RPS6KA2: variants seen among roughly 807,000 people sequenced by gnomAD.
RPS6KA2 encodes the protein ribosomal protein S6 kinase A2.
In RPS6KA2, 42 loss-of-function variants were observed where a neutral mutation model predicts 91.8. The ratio of observed to expected loss-of-function variants is 0.46; its 90% CI spans 0.36 to 0.59. RPS6KA2 has a LOEUF of 0.59. Ranked by LOEUF, RPS6KA2 falls within the 20% of genes least tolerant of loss-of-function variation. The pLI is 0.00. For synonymous variants in RPS6KA2, 414 were observed against 393.6 expected, an observed-to-expected ratio of 1.05 and a Z score of -0.61; for missense variants, 798 against 978.5, an observed-to-expected ratio of 0.82 and a Z score of 2.46.
At chr6:166,488,148 C>T (rs571359252) in intron 10 of RPS6KA2, among the ~76,000 whole-genome samples, 1 of 152,248 alleles carries the variant, frequency 6.6e-6, no homozygotes, top group Admixed American at 6.5e-5. Flanking sequence ...ACCTGAAACA[C>T]CCTGCTCCAG....
At position 166,490,961 on chromosome 6, in the gene RPS6KA2, G is replaced by A. The variant is rs143791022; in HGVS notation, c.748-220C>T. On this transcript the variant is annotated intron_variant, in intron 8 of 20. Transcript: ENST00000265678. This position sits in a 1 kb window ranked among gnomAD's most constrained non-coding sequence, Gnocchi z 4.2. ...TGGGTGAGACGGGTAAATGACAGAT[G>A]TGGTAGATAATCACACTCTGTGGCA... 1.3e-5 allele frequency among the ~76,000 whole-genome samples: 2 copies of A among 152,358 alleles called. No individual in the cohort carries two copies. The highest frequency in any genetic ancestry group is 4.8e-5 in the African/African-American group (2 of 41,574).
chr6:166,417,356 T>G (rs949957680), intron 19 of RPS6KA2, among the ~76,000 whole-genome samples: 2 of 152,214 alleles, frequency 1.3e-5, no homozygotes, highest in Non-Finnish European at 2.9e-5. Flanking sequence ...TTTCAGGATG[T>G]GGTTAACACT....
intron 1 of RPS6KA2, among the ~76,000 whole-genome samples, chr6:166,618,205 G>A (rs1786489692): frequency 6.6e-6 from 1 of 152,240 alleles, no homozygotes; most frequent in Admixed American, 6.5e-5. Context: ...TTTCTGTGCA[G>A]CACACTCCTC....
intron 2 of RPS6KA2, among the ~76,000 whole-genome samples, chr6:166,778,750 G>C (rs536399592): frequency 2.0e-5 from 3 of 152,328 alleles, no homozygotes; most frequent in African/African-American, 7.2e-5. Context: ...CGGGTGACAA[G>C]AGTGAAACTC....
intron 2 of RPS6KA2, among the ~76,000 whole-genome samples, chr6:166,763,642 G>T (rs1027228973): frequency 2.0e-5 from 3 of 152,250 alleles, no homozygotes; most frequent in Admixed American, 6.5e-5. Flanking sequence ...GAAACCAAAA[G>T]TTAATTAAGA....
At chr6:166,803,688 GA>G (rs1409391177) in intron 2 of RPS6KA2, among the ~76,000 whole-genome samples, 1 of 152,142 alleles carries the variant, frequency 6.6e-6, no homozygotes, top group Non-Finnish European at 1.5e-5. Flanking sequence ...TGTCAAGCAG[GA>G]AACCCCACAG....
intron 2 of RPS6KA2, among the ~76,000 whole-genome samples, chr6:166,723,287 G>T (rs1790231674): frequency 6.6e-6 from 1 of 152,258 alleles, no homozygotes; most frequent in Non-Finnish European, 1.5e-5. Context: ...GACCAGCTGA[G>T]GTGCCGCAGT....
chr6:166,683,925 C>T (rs1788920870), intron 2 of RPS6KA2, among the ~76,000 whole-genome samples: 1 of 152,140 alleles, frequency 6.6e-6, no homozygotes, highest in Non-Finnish European at 1.5e-5. Context: ...CACGGCACCT[C>T]CCCTTCCCTT....
chr6:166,454,719 T>C (rs1248315919), intron 12 of RPS6KA2, among the ~76,000 whole-genome samples: 1 of 152,036 alleles, frequency 6.6e-6, no homozygotes, highest in Admixed American at 6.6e-5. Flanking sequence ...ACCAGGGCCA[T>C]CAGAAGGAGC....
intron 14 of RPS6KA2, among the ~76,000 whole-genome samples, chr6:166,446,758 C>T (rs1003701908): frequency 2.6e-5 from 4 of 152,116 alleles, no homozygotes; most frequent in Admixed American, 6.5e-5. Context: ...GGAAGGGCAC[C>T]GCGGCTGCTG....
chr6:166,416,671 A>T (rs1778539721), intron 19 of RPS6KA2, among the ~76,000 whole-genome samples: 1 of 97,526 alleles, frequency 1.0e-5, no homozygotes, highest in Admixed American at 1.1e-4. Flanking sequence ...CATCAGCTCC[A>T]TCCCTGCTCC....
rs768247830 is a variant in RPS6KA2, at chr6:166,733,448, A to G, written c.123+124752T>C. On this transcript the variant is annotated intron_variant, in intron 2 of 21. Transcript: ENST00000503859. This position sits in a 1 kb window ranked among gnomAD's most constrained non-coding sequence, Gnocchi z 4.1. ...CCAACGAGGGCAGGATCTACTCCCA[A>G]AAAGACATAGGGACCCTTACAGTAC... Among the ~76,000 whole-genome samples, 2 of 152,228 alleles carry G rather than the reference A, an allele frequency of 1.3e-5. No individual in the cohort carries two copies. The highest frequency in any genetic ancestry group is 4.8e-5 in the African/African-American group (2 of 41,454).
intron 9 of RPS6KA2, 94 bp from the exon 10 acceptor site, chr6:166,489,015 A>G (rs1781505703): frequency 1.2e-5 from 13 of 1,043,770 alleles, no homozygotes; most frequent in Non-Finnish European, 1.6e-5. Context: ...CCTCAATCGC[A>G]GTCACCCAGA....
At chr6:166,837,111 T>C (rs977624576) in intron 2 of RPS6KA2, among the ~76,000 whole-genome samples, 5 of 152,166 alleles carry the variant, frequency 3.3e-5, no homozygotes, top group Admixed American at 1.3e-4. Flanking sequence ...AGACCGACGC[T>C]GTCCATTCTT....
intron 2 of RPS6KA2, among the ~76,000 whole-genome samples, chr6:166,658,156 A>G (rs1465304417): frequency 6.6e-6 from 1 of 152,212 alleles, no homozygotes; most frequent in Non-Finnish European, 1.5e-5. Flanking sequence ...TGCTGAGAGT[A>G]CAGGCATGAG....
chr6:166,419,851 C>T lies in RPS6KA2; in HGVS notation c.1820+31G>A. ...CACTGAGGCTGCTGCCCTGTGTCTC[C>T]TCCTGACACCTGTTTGAGGTGACTG... On this transcript the variant is annotated intron_variant, in intron 18 of 20. Transcript: ENST00000265678. The surrounding 1 kb of genome is among the most constrained non-coding windows in gnomAD (Gnocchi z 5.6). The T allele has an allele frequency of 1.9e-6, 3 of 1,598,630 alleles. No individual in the cohort carries two copies. The highest frequency in any genetic ancestry group is 2.6e-6 in the Non-Finnish European group (3 of 1,166,162).
chr6:166,599,803 G>C (rs546813435), intron 1 of RPS6KA2, among the ~76,000 whole-genome samples: 3 of 152,264 alleles, frequency 2.0e-5, no homozygotes, highest in African/African-American at 7.2e-5. Flanking sequence ...AACGACACAG[G>C]CTTCTGTGTG....
At chr6:166,599,862 C>G (rs1262198900) in intron 1 of RPS6KA2, among the ~76,000 whole-genome samples, 1 of 151,408 alleles carries the variant, frequency 6.6e-6, no homozygotes, top group African/African-American at 2.4e-5. Context: ...ATCCTCCATG[C>G]GTCACTCTCA....
rs1197456819 is a variant in RPS6KA2 at position 166,721,567 on chromosome 6, A to G, written c.123+136633T>C. On this transcript the variant is annotated intron_variant, in intron 2 of 21. Coordinates refer to the RPS6KA2 transcript ENST00000503859. The stretch of plus-strand genomic sequence containing the variant: ...ACTTTCTAGTTTCACGAACAAAATC[A>G]CAGATGAACATGCTAGAGCTTCGTA... Among the ~76,000 whole-genome samples, 3 of 152,384 alleles carry G rather than the reference A, an allele frequency of 2.0e-5. No individual in the cohort carries two copies. In the East Asian group the frequency reaches 5.8e-4, roughly 29 times the overall value.
Sources: gnomAD v4.1 joint callset for allele counts (sites outside exome capture counted in the v4.1 genomes callset) on GRCh38, gnomAD v4.1.1 for gene constraint, Gnocchi (gnomAD v3.1) non-coding constraint, MANE v1.5 for transcripts, NCBI Gene and HGNC (gene_info 2026-07-23, HGNC 2026-07-21) for gene names.